KYAT1: variants seen among roughly 807,000 people sequenced by gnomAD.
KYAT1 encodes kynurenine--oxoglutarate transaminase 1.
A neutral mutation model predicts 52.4 loss-of-function variants in KYAT1; 47 were observed. That is an observed-to-expected ratio of 0.90 (90% confidence interval 0.71 to 1.14). The LOEUF (loss-of-function observed/expected upper bound fraction) is 1.14, where lower values mean the gene tolerates loss of function less well. Ranked by LOEUF, KYAT1 falls within the 50% of genes most tolerant of loss-of-function variation. The probability of loss-of-function intolerance (pLI) is 0.00; values close to 1 mark genes in which losing one functional copy is unlikely to be tolerated. For synonymous variants in KYAT1, 212 were observed against 209.6 expected (o/e 1.01, Z -0.10); for missense variants, 480 against 557.9 (o/e 0.86, Z 1.41).
Position 128,878,437 on chromosome 9 carries a change from C to T in KYAT1, c.-7+3460G>A, listed in dbSNP as rs547295782. 2.6e-5 allele frequency among the ~76,000 whole-genome samples: 4 copies of T among 152,274 alleles called. No homozygotes were observed. In the South Asian group the frequency reaches 6.2e-4, roughly 24 times the overall value. On this transcript the variant is annotated intron_variant, in intron 1 of 12. Transcript: ENST00000302586. ...GGCATGAACCACCACACCCAGTCAA[C>T]AAGCTATTAACATTTAAACCTACCA... is the stretch of plus-strand genomic sequence containing the variant.
chr9:128,838,227 T>C lies in KYAT1; in HGVS notation c.342A>G (p.Glu114=), dbSNP rs1831491353. 1 of 1,614,214 alleles carries C rather than the reference T, an allele frequency of 6.2e-7. No homozygotes were observed. The highest frequency in any genetic ancestry group is 1.6e-4 in the Middle Eastern group (1 of 6,062). The change falls in exon 4 of 13, where the codon GAA becomes GAG. Residue 114 remains glutamate (E), a synonymous_variant. Transcript: ENST00000302586. The part of the protein sequence containing the change: ...LFTAFQALVD[E]GDEVIIIEPF... ...AGTCTTGCCCACTCACCTCGTCTCCTTCGTCCACCAGGGCCTGGAAGGCTG... is the reference window on the plus strand; with the variant it reads ...AGTCTTGCCCACTCACCTCGTCTCCCTCGTCCACCAGGGCCTGGAAGGCTG...
rs781062560 is a variant in KYAT1 at position 128,838,066 on chromosome 9, A to G, written c.423T>C (p.Phe141=). 1.2e-6 allele frequency: 2 copies of G among 1,613,992 alleles called. No homozygotes were observed. The highest frequency in any genetic ancestry group is 2.7e-5 in the African/African-American group (2 of 74,894). ...GCATCCTTACCGGCTTCAGGGACACAAACACAGGACGACCCCCTGCCATCA... is the reference window on the plus strand; with the variant it reads ...GCATCCTTACCGGCTTCAGGGACACGAACACAGGACGACCCCCTGCCATCA... ...MTMMAGGRPV[F]VSLKPGPIQN... Residue 141 remains phenylalanine (F), a synonymous_variant, in exon 5 of 13, where the codon TTT becomes TTC. Coordinates refer to ENST00000302586, the MANE Select transcript of KYAT1 (RefSeq NM_004059.5).
At chr9:128,836,653 A>G in intron 7 of KYAT1, 149 bp downstream of exon 7, 1 of 865,008 alleles carries the variant, frequency 1.2e-6, no homozygotes. Context: ...TGCTACTGTG[A>G]CACTGTGTAC....
In KYAT1 at chr9:128,835,607, A is replaced by T. The variant is rs1830921478; in HGVS notation, c.916T>A (p.Phe306Ile). 1 of 1,612,814 alleles carries T rather than the reference A, an allele frequency of 6.2e-7. No individual in the cohort carries two copies. Among genetic ancestry groups the T allele is most frequent in the Non-Finnish European group, 8.5e-7 (1 of 1,180,014 alleles). The change falls in exon 10 of 13, where the codon TTT (phenylalanine) becomes ATT (isoleucine). Residue 306 changes from phenylalanine to isoleucine, a missense_variant. By Grantham distance (21) the Phe-to-Ile change is conservative (BLOSUM62 0). Transcript: ENST00000302586. ...QLLFRQPSSY[F>I]VQFPQAMQRC... ...TGCATGGCCTGCGGGAACTGCACAA[A>T]GTAGCTGCTGGGTTGGCGGAAGAGC...
intron 1 of KYAT1, among the ~76,000 whole-genome samples, chr9:128,863,455 A>G (rs1180182298): frequency 6.6e-6 from 1 of 151,576 alleles, no homozygotes; most frequent in Admixed American, 6.6e-5. Context: ...CAACATAACA[A>G]CACCCTTTCT....
chr9:128,842,184 C>A (rs770464387), intron 3 of KYAT1: 15 of 247,992 alleles, frequency 6.0e-5, no homozygotes, highest in African/African-American at 2.8e-4. Flanking sequence ...CAGAGTGAGA[C>A]CTTGTCTCAA....
intron 1 of KYAT1, chr9:128,845,618 A>C (rs1588079722): frequency 3.6e-6 from 2 of 557,750 alleles, no homozygotes; most frequent in Non-Finnish European, 6.4e-6. Flanking sequence ...GTTCCTCTTG[A>C]CTCCAGCAGC....
At chr9:128,873,313 G>A (rs1390008170) in intron 1 of KYAT1, among the ~76,000 whole-genome samples, 9 of 150,366 alleles carry the variant, frequency 6.0e-5, no homozygotes, top group Admixed American at 4.6e-4. Context: ...AGACTAGCCT[G>A]GGCAACAAAG....
At chr9:128,846,578 G>T (rs1417902301) in intron 1 of KYAT1, 2 of 852,176 alleles carry the variant, frequency 2.3e-6, no homozygotes, top group East Asian at 2.8e-5. Context: ...ACTCCTGCCC[G>T]ACCCAACGAG....
intron 7 of KYAT1, among the ~76,000 whole-genome samples, chr9:128,836,411 A>G (rs1264175091): frequency 2.7e-5 from 4 of 148,742 alleles, no homozygotes; most frequent in Non-Finnish European, 5.9e-5. Flanking sequence ...TGATCCTCCT[A>G]CCTCAGCTTC....
chr9:128,837,953 C>T, intron 5 of KYAT1, 98 bp downstream of exon 5: 5 of 1,478,816 alleles, frequency 3.4e-6, no homozygotes, highest in African/African-American at 1.4e-5. Flanking sequence ...GAGGAACTGG[C>T]TTCCTTCACT....
At chr9:128,843,872 G>A (rs535892108) in intron 2 of KYAT1, among the ~76,000 whole-genome samples, 8 of 152,156 alleles carry the variant, frequency 5.3e-5, no homozygotes, top group Admixed American at 6.5e-5. Flanking sequence ...ACAGTTAAAC[G>A]CTCTGCTCAT....
chr9:128,865,308 C>CATAT (rs869044608), intron 1 of KYAT1, among the ~76,000 whole-genome samples: 16 of 36,924 alleles, frequency 4.3e-4, no homozygotes, highest in African/African-American at 1.1e-3. Flanking sequence ...GCAGAGCCTA[C>CATAT]ATATATATAT....
At chr9:128,879,063 C>T (rs1838428810) in intron 1 of KYAT1, among the ~76,000 whole-genome samples, 1 of 152,220 alleles carries the variant, frequency 6.6e-6, no homozygotes, top group Non-Finnish European at 1.5e-5. Flanking sequence ...GTAATCCCAG[C>T]ACTTTGGGAG....
chr9:128,852,359 A>T (rs907989458), intron 1 of KYAT1, among the ~76,000 whole-genome samples: 3 of 152,148 alleles, frequency 2.0e-5, no homozygotes, highest in Non-Finnish European at 4.4e-5. Context: ...GCAAAACAGG[A>T]TTTTGAAAAA....
At chr9:128,856,768 C>G (rs756813815) in intron 1 of KYAT1, among the ~76,000 whole-genome samples, 19 of 152,238 alleles carry the variant, frequency 1.2e-4, no homozygotes, top group South Asian at 2.1e-4. Context: ...GAAAGCCGCA[C>G]GGACCTCTGC....
At chr9:128,855,061 G>C (rs965760665) in intron 1 of KYAT1, among the ~76,000 whole-genome samples, 1 of 152,136 alleles carries the variant, frequency 6.6e-6, no homozygotes, top group African/African-American at 2.4e-5. Context: ...TAGGCCTAAG[G>C]GGACCTTGCC....
chr9:128,845,525 C>A, intron 1 of KYAT1, 114 bp from the exon 2 acceptor site: 2 of 962,698 alleles, frequency 2.1e-6, no homozygotes. Flanking sequence ...TGTCTGCTCC[C>A]AGGAGGGGGA....
Position 128,833,691 on chromosome 9 carries a change from G to A in KYAT1, c.1210-48C>T, listed in dbSNP as rs746244587. 2.5e-6 allele frequency: 4 copies of A among 1,613,010 alleles called. No individual in the cohort carries two copies. The Admixed American group carries it at 5.0e-5, about 20-fold the overall frequency. ...TACACTCTCCCCATGTGCCCAGCCG[G>A]CCTTGGGAAGCTCTGTGAGGTCTTT... On this transcript the variant is annotated intron_variant, in intron 12 of 12. Coordinates refer to ENST00000302586, the MANE Select transcript of KYAT1 (RefSeq NM_004059.5).
Sources: allele counts gnomAD v4.1 joint callset (sites outside exome capture counted in the v4.1 genomes callset), GRCh38; gene constraint gnomAD v4.1.1; transcripts MANE v1.5; gene names NCBI Gene and HGNC (gene_info 2026-07-23, HGNC 2026-07-21).